Variants in BCL11B observed in about 807,000 individuals in gnomAD.
BCL11B encodes the protein BCL11 transcription factor B, also known as B-cell lymphoma/leukemia 11B.
In BCL11B, 8 loss-of-function variants were observed where a neutral mutation model predicts 49.9. The ratio of observed to expected loss-of-function variants is 0.16; its 90% CI spans 0.09 to 0.29. The LOEUF (loss-of-function observed/expected upper bound fraction) is 0.29. Ranked by LOEUF, BCL11B falls within the 10% of genes least tolerant of loss-of-function variation. The pLI is 1.00. For missense variants in BCL11B, 1,006 were observed against 1,351.0 expected (o/e 0.74, Z 4.00); for synonymous variants, 739 against 637.4 (o/e 1.16, Z -2.40).
At chr14:99,218,654 C>A (rs190036664) in intron 3 of BCL11B, among the ~76,000 whole-genome samples, 2 of 152,196 alleles carry the variant, frequency 1.3e-5, no homozygotes, top group Non-Finnish European at 2.9e-5. Context: ...CCTCAGTTCA[C>A]CGAGACCAGC....
intron 2 of BCL11B, among the ~76,000 whole-genome samples, chr14:99,250,833 C>T (rs891696270): frequency 6.7e-6 from 1 of 148,338 alleles, no homozygotes; most frequent in Non-Finnish European, 1.5e-5. Context: ...GAACTACGTA[C>T]ATAAAACAAT....
chr14:99,192,597 A>T lies in BCL11B; in HGVS notation c.641-16402T>A, dbSNP rs1238591188. 6.6e-6 allele frequency among the ~76,000 whole-genome samples: 1 copy of T among 152,192 alleles called. No individual in the cohort carries two copies. The highest frequency in any genetic ancestry group is 2.4e-5 in the African/African-American group (1 of 41,448). On this transcript the variant is annotated intron_variant, in intron 3 of 3. Transcript: ENST00000357195. The surrounding 1 kb of genome is among the most constrained non-coding windows in gnomAD (Gnocchi z 4.0). ...TGTCCTGCCAGGTACCAGGTGTACC[A>T]GACCGGCTGAAGTTTGGATGGGAAG...
rs1322004995 is a variant in BCL11B, at chr14:99,169,796, G to A, written c.*4355C>T. 8.8e-6 allele frequency: 2 copies of A among 226,056 alleles called. No individual in the cohort carries two copies. Among genetic ancestry groups the A allele is most frequent in the African/African-American group, 2.2e-5 (1 of 44,910 alleles). The allele number at this position is 226,056 out of a possible 1,614,324, so 14.0% of individuals were successfully genotyped here. ...ACGGTTACTTAGGACCGGGATGAAA[G>A]GCTGATTTCCTTACTTTTCACATTT... On this transcript the variant is annotated 3_prime_UTR_variant, in exon 4 of 4. Coordinates refer to ENST00000357195, the MANE Select transcript of BCL11B (RefSeq NM_138576.4).
At chr14:99,244,358 G>C (rs926959101) in intron 2 of BCL11B, among the ~76,000 whole-genome samples, 1 of 151,026 alleles carries the variant, frequency 6.6e-6, no homozygotes. Flanking sequence ...CCCTTTAAAT[G>C]AACTGCAGAG....
chr14:99,257,939 G>A lies in BCL11B; in HGVS notation c.59-100C>T. The A allele has an allele frequency of 1.5e-6, 2 of 1,360,596 alleles. No individual in the cohort carries two copies. Among genetic ancestry groups the A allele is most frequent in the East Asian group, 2.5e-5 (1 of 40,288 alleles). 84.3% of individuals were successfully genotyped at this position (1,360,596 alleles called of 1,614,324 possible). A position where few individuals can be genotyped will look rare whatever the true frequency, so the allele number is the denominator to read the frequency against. ...CGGTCCACCCCTTCCCCGCCAAGAAGCAGCCCCCTCTGCTGCTGGCTGCCA... is the reference window on the plus strand; with the variant it reads ...CGGTCCACCCCTTCCCCGCCAAGAAACAGCCCCCTCTGCTGCTGGCTGCCA... On this transcript the variant is annotated intron_variant, in intron 1 of 3. Transcript: ENST00000357195. The surrounding 1 kb of genome is among the most constrained non-coding windows in gnomAD (Gnocchi z 6.2).
intron 3 of BCL11B, among the ~76,000 whole-genome samples, chr14:99,221,438 A>G (rs926327897): frequency 6.6e-6 from 1 of 152,212 alleles, no homozygotes; most frequent in African/African-American, 2.4e-5. Flanking sequence ...GAGCGCCACG[A>G]TCCCTTCCTT....
intron 2 of BCL11B, among the ~76,000 whole-genome samples, chr14:99,253,341 G>A (rs1368370184): frequency 1.3e-5 from 2 of 152,246 alleles, no homozygotes; most frequent in Non-Finnish European, 2.9e-5. Context: ...CACTGCCTGT[G>A]ATGGTGGATT....
chr14:99,242,939 G>A lies in BCL11B; in HGVS notation c.428-11382C>T, dbSNP rs943730230. ...CCAATTTTTGTTAGCTCTGAGAGGC[G>A]GTGAGAATTTCCTCACTGGTCCGCT... On this transcript the variant is annotated intron_variant, in intron 2 of 3. Transcript: ENST00000357195. The surrounding 1 kb of genome is among the most constrained non-coding windows in gnomAD (Gnocchi z 4.4). 2.0e-5 allele frequency among the ~76,000 whole-genome samples: 3 copies of A among 152,074 alleles called. No individual in the cohort carries two copies. The highest frequency in any genetic ancestry group is 4.8e-5 in the African/African-American group (2 of 41,394).
chr14:99,251,849 C>T (rs1889017798), intron 2 of BCL11B, among the ~76,000 whole-genome samples: 1 of 152,190 alleles, frequency 6.6e-6, no homozygotes, highest in Non-Finnish European at 1.5e-5. Context: ...TTAGAATACC[C>T]ATCCCCAAAA....
chr14:99,188,935 T>C (rs1357266653), intron 3 of BCL11B, among the ~76,000 whole-genome samples: 1 of 152,230 alleles, frequency 6.6e-6, no homozygotes, highest in African/African-American at 2.4e-5. Flanking sequence ...AGCCAGTGAA[T>C]GTTCTTTTCT....
At chr14:99,240,117 C>A (rs1888618860) in intron 2 of BCL11B, among the ~76,000 whole-genome samples, 2 of 151,958 alleles carry the variant, frequency 1.3e-5, no homozygotes, top group Admixed American at 1.3e-4. Flanking sequence ...ACCACAGGGC[C>A]AGCAGGGTTT....
rs1380790697 is a variant in BCL11B at position 99,232,903 on chromosome 14, G to A, written c.428-1346C>T. Among the ~76,000 whole-genome samples, 1 of 152,186 alleles carries A rather than the reference G, an allele frequency of 6.6e-6. No individual in the cohort carries two copies. The highest frequency in any genetic ancestry group is 1.5e-5 in the Non-Finnish European group (1 of 68,018). On this transcript the variant is annotated intron_variant, in intron 2 of 3. Coordinates refer to ENST00000357195, the MANE Select transcript of BCL11B (RefSeq NM_138576.4). This position sits in a 1 kb window ranked among gnomAD's most constrained non-coding sequence, Gnocchi z 5.1. ...TAAGAAGACCCCCTGCTTAGGGATT[G>A]CAAGCTGTCAGTGTCCTGTCAAGAG... is the stretch of plus-strand genomic sequence containing the variant.
intron 1 of BCL11B, among the ~76,000 whole-genome samples, chr14:99,265,651 T>C (rs924146769): frequency 2.0e-5 from 3 of 152,304 alleles, no homozygotes; most frequent in South Asian, 4.1e-4. Flanking sequence ...TGCCTCTTCA[T>C]CTCTGAGTGG....
rs766909093 is a variant in BCL11B at position 99,248,863 on chromosome 14, C to T, written c.427+8608G>A. Among the ~76,000 whole-genome samples the T allele has an allele frequency of 3.3e-5, 5 of 152,160 alleles. No homozygotes were observed. Among genetic ancestry groups the T allele is most frequent in the African/African-American group, 4.8e-5 (2 of 41,434 alleles). Reference sequence around the variant, plus strand: ...AGCCCAGCAGGCTCAGCCCCAGAGACGGGGAAGATCTGTCTGCTCAAGGTC... The same window carrying T: ...AGCCCAGCAGGCTCAGCCCCAGAGATGGGGAAGATCTGTCTGCTCAAGGTC... On this transcript the variant is annotated intron_variant, in intron 2 of 3. Transcript: ENST00000357195. The surrounding 1 kb of genome is among the most constrained non-coding windows in gnomAD (Gnocchi z 4.7).
At chr14:99,196,411 G>A (rs1595235532) in intron 3 of BCL11B, among the ~76,000 whole-genome samples, 1 of 152,122 alleles carries the variant, frequency 6.6e-6, no homozygotes, top group Non-Finnish European at 1.5e-5. Flanking sequence ...CCTCCAACAT[G>A]AGGACCTCAA....
intron 3 of BCL11B, among the ~76,000 whole-genome samples, chr14:99,198,425 G>C (rs1302688716): frequency 6.6e-6 from 1 of 152,138 alleles, no homozygotes; most frequent in African/African-American, 2.4e-5. Flanking sequence ...ATTTGTGCTT[G>C]ACATTTTCCC....
chr14:99,214,561 GAA>G, intron 3 of BCL11B, among the ~76,000 whole-genome samples: 1 of 116,724 alleles, frequency 8.6e-6, no homozygotes, highest in East Asian at 2.4e-4. Context: ...CTATCTCAAA[GAA>G]AAAAAAAAAA....
In BCL11B at chr14:99,173,804, T is replaced by G; in HGVS notation, c.*347A>C. On this transcript the variant is annotated 3_prime_UTR_variant, in exon 4 of 4. Transcript: ENST00000357195. ...AGTCATTGCTCAGGCTACTACCGGGTTAAAAAAAAAACAAAGAAGGGATGG... is the reference window on the plus strand; with the variant it reads ...AGTCATTGCTCAGGCTACTACCGGGGTAAAAAAAAAACAAAGAAGGGATGG... The G allele has an allele frequency of 3.1e-6, 1 of 325,296 alleles. No individual in the cohort carries two copies. Among genetic ancestry groups the G allele is most frequent in the Non-Finnish European group, 5.7e-6 (1 of 176,446 alleles). The allele number at this position is 325,296 out of a possible 1,614,324, so 20.2% of individuals were successfully genotyped here. A position where few individuals can be genotyped will look rare whatever the true frequency, so the allele number is the denominator to read the frequency against.
At chr14:99,260,844 C>T (rs1276643147) in intron 1 of BCL11B, among the ~76,000 whole-genome samples, 1 of 152,010 alleles carries the variant, frequency 6.6e-6, no homozygotes, top group African/African-American at 2.4e-5. Context: ...GAGCCAGGCC[C>T]TGTTGGCGTC....
Sources: allele counts gnomAD v4.1 joint callset (sites outside exome capture counted in the v4.1 genomes callset), GRCh38; gene constraint gnomAD v4.1.1; non-coding constraint Gnocchi (gnomAD v3.1); transcripts MANE v1.5; gene names NCBI Gene and HGNC (gene_info 2026-07-23, HGNC 2026-07-21).